ACTG2: variants seen among roughly 807,000 people sequenced by gnomAD.
ACTG2 encodes the protein actin gamma 2, smooth muscle.
A neutral mutation model predicts 37.6 loss-of-function variants in ACTG2; 16 were observed. The ratio of observed to expected loss-of-function variants is 0.43; its 90% CI spans 0.29 to 0.65. ACTG2 has a LOEUF of 0.65. Among genes scored for constraint, ACTG2 ranks in the 30% least tolerant of loss-of-function variants. The pLI, the probability that ACTG2 is intolerant of heterozygous loss-of-function variation, is 0.18. For synonymous variants in ACTG2, 181 were observed against 179.9 expected, an observed-to-expected ratio of 1.01 and a Z score of -0.05; for missense variants, 238 against 490.9, an observed-to-expected ratio of 0.48 and a Z score of 4.87.
At chr2:73,903,412 G>C (rs768804460) in intron 3 of ACTG2, among the ~76,000 whole-genome samples, 14 of 152,218 alleles carry the variant, frequency 9.2e-5, no homozygotes, top group Non-Finnish European at 2.1e-4. Flanking sequence ...ACGTTATACA[G>C]TGGAGTGGGT....
chr2:73,900,182 G>A (rs368337214), intron 1 of ACTG2, among the ~76,000 whole-genome samples: 2 of 152,134 alleles, frequency 1.3e-5, no homozygotes, highest in East Asian at 3.9e-4. Flanking sequence ...TGTGCCTGGC[G>A]CCTCTCTTTT....
intron 3 of ACTG2, among the ~76,000 whole-genome samples, chr2:73,903,865 G>A (rs1310450935): frequency 8.1e-5 from 12 of 148,030 alleles, no homozygotes; most frequent in Non-Finnish European, 1.2e-4. Flanking sequence ...GCTTGAACCC[G>A]GGAGGCAGAG....
chr2:73,904,771 GTGTGTGTATATATATATA>G (rs1257258262), intron 3 of ACTG2, among the ~76,000 whole-genome samples: 210 of 20,042 alleles, frequency 0.01, 1 homozygote, highest in African/African-American at 0.019. Context: ...GTGTGTGTGT[GTGTGTGTATATATATATA>G]TATATATATA....
chr2:73,914,987 C>T, intron 7 of ACTG2, 116 bp downstream of exon 7: 1 of 895,122 alleles, frequency 1.1e-6, no homozygotes. Flanking sequence ...CATACACGTA[C>T]CTCACATTTT....
chr2:73,894,051 G>A (rs1203055437), intron 1 of ACTG2, among the ~76,000 whole-genome samples: 3 of 152,256 alleles, frequency 2.0e-5, no homozygotes, highest in East Asian at 3.9e-4. Flanking sequence ...AGGATTAAAC[G>A]AGAGAATGCG....
intron 3 of ACTG2, among the ~76,000 whole-genome samples, chr2:73,903,542 A>G (rs1726023): frequency 0.57 from 86,813 of 152,090 alleles, 25,125 homozygotes; most frequent in Admixed American, 0.66. Context: ...GGTTGCTTTG[A>G]AGATTGAATT....
intron 7 of ACTG2, 119 bp from the exon 8 acceptor site, chr2:73,916,465 A>T: frequency 1.2e-6 from 1 of 813,224 alleles, no homozygotes; most frequent in Non-Finnish European, 1.9e-6. Flanking sequence ...TCCTTCTGGG[A>T]GATATTAAGG....
At chr2:73,896,707 C>T (rs1679755318) in intron 1 of ACTG2, 1 of 152,152 alleles carries the variant, frequency 6.6e-6, no homozygotes, top group Admixed American at 6.6e-5. Context: ...GAGCAAATGA[C>T]TTGCATTCAT....
rs750668174 is a variant in ACTG2, at chr2:73,902,401, G to A, written c.168G>A (p.Gly56=). 5 of 1,613,986 alleles carry A rather than the reference G, an allele frequency of 3.1e-6. No homozygotes were observed. The highest frequency in any genetic ancestry group is 4.2e-6 in the Non-Finnish European group (5 of 1,180,002). The change falls in exon 3 of 9, where the codon GGG becomes GGA. Residue 56 remains glycine (G), a synonymous_variant. Transcript: ENST00000345517. ...TGGGCCAGAAAGACAGCTATGTGGG[G>A]GATGAGGCTCAGAGCAAGCGAGGGA... The part of the protein sequence containing the change: ...VGMGQKDSYV[G]DEAQSKRGIL...
At chr2:73,912,817 A>T (rs1680165902) in intron 5 of ACTG2, among the ~76,000 whole-genome samples, 1 of 152,218 alleles carries the variant, frequency 6.6e-6, no homozygotes, top group African/African-American at 2.4e-5. Flanking sequence ...GGACAATATT[A>T]AAAAATGGTG....
intron 1 of ACTG2, among the ~76,000 whole-genome samples, chr2:73,897,593 G>A (rs1679778085): frequency 6.6e-6 from 1 of 152,164 alleles, no homozygotes; most frequent in Admixed American, 6.5e-5. Context: ...TGGGAGGGGG[G>A]CCACTCAGAC....
At chr2:73,907,346 C>T (rs1173539395) in intron 3 of ACTG2, among the ~76,000 whole-genome samples, 7 of 152,168 alleles carry the variant, frequency 4.6e-5, no homozygotes, top group South Asian at 4.1e-4. Context: ...TGACCCTGTG[C>T]CTCACCTCTG....
At chr2:73,901,136 G>T (rs1402943335) in intron 1 of ACTG2, 140 bp from the exon 2 acceptor site, 5 of 611,664 alleles carry the variant, frequency 8.2e-6, no homozygotes, top group Non-Finnish European at 1.3e-5. Flanking sequence ...AACTGCCAGT[G>T]AGTGGGAGGC....
In ACTG2 at chr2:73,897,960, T is replaced by A. The variant is rs139085919; in HGVS notation, c.-36-3316T>A. Among the ~76,000 whole-genome samples, 26 of 152,342 alleles carry A rather than the reference T, an allele frequency of 1.7e-4. No homozygotes were observed. In the East Asian group the frequency reaches 4.6e-3, roughly 27 times the overall value. ...TAAAATTGGTAACTAAATTTCAACA[T>A]GAGTTTTGAGGGGGACAAACATTCA... On this transcript the variant is annotated intron_variant, in intron 1 of 8. Coordinates refer to ENST00000345517, the MANE Select transcript of ACTG2 (RefSeq NM_001615.4).
At position 73,906,223 on chromosome 2, in the gene ACTG2, G is replaced by A. The variant is rs147118304; in HGVS notation, c.256-2450G>A. On this transcript the variant is annotated intron_variant, in intron 3 of 8. Transcript: ENST00000345517. ...TCCCAGCACTTTGGGAGGCGGAGGC[G>A]GGTGGATCACGAGGTCAGGAGATTG... Among the ~76,000 whole-genome samples the A allele has an allele frequency of 5.0e-3, 756 of 151,706 alleles. 7 individuals carry two copies. Among genetic ancestry groups the A allele is most frequent in the African/African-American group, 0.017 (717 of 41,472 alleles).
intron 5 of ACTG2, among the ~76,000 whole-genome samples, chr2:73,913,209 G>A (rs1216442493): frequency 6.7e-6 from 1 of 148,736 alleles, no homozygotes; most frequent in Non-Finnish European, 1.5e-5. Flanking sequence ...TAGACTTAAT[G>A]CAAATTGACA....
At chr2:73,915,715 G>A (rs1558629315) in intron 7 of ACTG2, among the ~76,000 whole-genome samples, 1 of 152,110 alleles carries the variant, frequency 6.6e-6, no homozygotes, top group Non-Finnish European at 1.5e-5. Flanking sequence ...GGCAATAAAA[G>A]GGAATGAAGT....
At chr2:73,898,084 TAGAG>T (rs1017887261) in intron 1 of ACTG2, among the ~76,000 whole-genome samples, 61 of 152,226 alleles carry the variant, frequency 4.0e-4, no homozygotes, top group African/African-American at 1.4e-3. Context: ...CTCCATTTCA[TAGAG>T]AGAAAAGAAC....
At chr2:73,902,581 C>A in intron 3 of ACTG2, 93 bp downstream of exon 3, 1 of 1,574,476 alleles carries the variant, frequency 6.4e-7, no homozygotes, top group Non-Finnish European at 8.6e-7. Context: ...TGTCAACTCT[C>A]CCTCTAAAAT....
Sources: allele counts gnomAD v4.1 joint callset (sites outside exome capture counted in the v4.1 genomes callset), GRCh38; gene constraint gnomAD v4.1.1; transcripts MANE v1.5; gene names NCBI Gene and HGNC (gene_info 2026-07-23, HGNC 2026-07-21).